Variants in FAM221A observed in about 807,000 individuals in gnomAD.
The protein encoded by FAM221A is family with sequence similarity 221 member A.
Under a neutral mutation model 37.6 loss-of-function variants are expected in FAM221A, and 43 were observed. The observed-to-expected ratio is 1.15, with a 90% CI of 0.90 to 1.48. FAM221A has a LOEUF of 1.48. Among genes scored for constraint, FAM221A ranks in the 40% most tolerant of loss-of-function variants. FAM221A has a pLI of 0.00. For synonymous variants in FAM221A, 135 were observed against 132.9 expected, an observed-to-expected ratio of 1.02 and a Z score of -0.11; for missense variants, 361 against 361.5, an observed-to-expected ratio of 1.00 and a Z score of 0.01.
rs1157432538 is a variant in FAM221A, at chr7:23,689,260, C to CT, written c.240-3dup. On this transcript the variant is annotated splice_polypyrimidine_tract_variant and intron_variant, in intron 2 of 6. Coordinates refer to ENST00000344962, the MANE Select transcript of FAM221A (RefSeq NM_199136.5). ...GTGTTTATATTTCTCTCTCTTTCTC[C>CT]TTTTTTAGGTATAAACAACATAAAA... The CT allele has an allele frequency of 1.3e-6, 2 of 1,491,770 alleles. No individual in the cohort carries two copies. Among genetic ancestry groups the CT allele is most frequent in the Non-Finnish European group, 1.8e-6 (2 of 1,098,682 alleles). The allele number at this position is 1,491,770 out of a possible 1,614,324, so 92.4% of individuals were successfully genotyped here.
chr7:23,702,113 T>A lies in FAM221A; in HGVS notation c.846T>A (p.Ala282=). ...RYQERMKMEK[A]AKWKGKAPLP... ...ATTTACAGATGAAAATGGAAAAGGC[T>A]GCTAAGTGGAAAGGAAAAGCTCCAT... The change falls in exon 7 of 7, where the codon GCT becomes GCA. Residue 282 remains alanine (A), a synonymous_variant. Transcript: ENST00000344962. 1.2e-6 allele frequency: 2 copies of A among 1,600,836 alleles called. No individual in the cohort carries two copies. The highest frequency in any genetic ancestry group is 1.3e-5 in the African/African-American group (1 of 74,630).
At chr7:23,700,011 T>C (rs1785316430) in intron 5 of FAM221A, among the ~76,000 whole-genome samples, 1 of 152,204 alleles carries the variant, frequency 6.6e-6, no homozygotes, top group Admixed American at 6.5e-5. Flanking sequence ...ATAACACTTA[T>C]TCAAATAAGA....
rs1029174824 is a variant in FAM221A, at chr7:23,680,237, C to A, written c.19C>A (p.Pro7Thr). 1.9e-6 allele frequency: 3 copies of A among 1,549,512 alleles called. No individual in the cohort carries two copies. The highest frequency in any genetic ancestry group is 1.7e-6 in the Non-Finnish European group (2 of 1,146,110). MERLTLPLGGAAAVDEY... is the reference protein window; with the variant it reads MERLTLTLGGAAAVDEY... ...ACCGGCAATGGAGCGGTTGACGTTG[C>A]CTCTCGGCGGCGCGGCGGCGGTGGA... The change falls in exon 1 of 7, where the codon CCT becomes ACT. Residue 7 changes from proline to threonine, a missense_variant. Pro to Thr is a conservative substitution (Grantham distance 38, BLOSUM62 -1). Transcript: ENST00000344962.
chr7:23,680,292 G>A lies in FAM221A; in HGVS notation c.65+9G>A, dbSNP rs1471378369. On this transcript the variant is annotated intron_variant, in intron 1 of 6. Transcript: ENST00000344962. ...TACCTGGAGTACCGGAGGTGAGGCT[G>A]TGGCTCCGGGCCTGCCCCCCCGCCG... is the stretch of plus-strand genomic sequence containing the variant. The A allele has an allele frequency of 4.5e-6, 7 of 1,539,926 alleles. No homozygotes were observed. The highest frequency in any genetic ancestry group is 2.0e-5 in the Admixed American group (1 of 50,458).
At chr7:23,685,125 T>G (rs1241155564) in intron 2 of FAM221A, among the ~76,000 whole-genome samples, 1 of 152,162 alleles carries the variant, frequency 6.6e-6, no homozygotes, top group African/African-American at 2.4e-5. Flanking sequence ...GGCACACGCC[T>G]GTAATCCTAG....
Position 23,684,680 on chromosome 7 carries a change from AC to A in FAM221A, c.239+9del, listed in dbSNP as rs1179653636. On this transcript the variant is annotated intron_variant, in intron 2 of 6. Coordinates refer to ENST00000344962, the MANE Select transcript of FAM221A (RefSeq NM_199136.5). ...GTGTTTTTGTACACATAGGTAAGAT[AC>A]TTTATTGCAAAGTTTTTTGATAATT... 1.9e-6 allele frequency: 3 copies of A among 1,575,030 alleles called. No individual in the cohort carries two copies. Among genetic ancestry groups the A allele is most frequent in the Non-Finnish European group, 2.6e-6 (3 of 1,164,342 alleles).
chr7:23,686,289 G>T (rs34561959), intron 2 of FAM221A: 2 of 429,796 alleles, frequency 4.7e-6, no homozygotes, highest in Admixed American at 2.6e-5. Context: ...TTTGAGACAG[G>T]GTCTTACTCT....
chr7:23,689,560 GTATTAGTTGTAGAGTTAATATTCAGTTA>G, intron 3 of FAM221A, 101 bp downstream of exon 3: 1 of 819,610 alleles, frequency 1.2e-6, no homozygotes, highest in African/African-American at 1.7e-5. Flanking sequence ...ATATTCAGTT[GTATTAGTTGTAGAGTTAATATTCAGTTA>G]TGGCGTTAAT....
chr7:23,690,199 A>ATATATATATATATATATATATATT (rs774313037), intron 3 of FAM221A, among the ~76,000 whole-genome samples: 1 of 48,740 alleles, frequency 2.1e-5, no homozygotes, highest in Non-Finnish European at 3.6e-5. Flanking sequence ...ATATATATAT[A>ATATATATATATATATATATATATT]TTTTTTTTTT....
chr7:23,690,113 T>C (rs1784624824), intron 3 of FAM221A, among the ~76,000 whole-genome samples: 1 of 148,872 alleles, frequency 6.7e-6, no homozygotes, highest in Non-Finnish European at 1.5e-5. Context: ...AATAAATCTT[T>C]CATTGGCTGA....
At chr7:23,684,404 C>G in intron 1 of FAM221A, 95 bp from the exon 2 acceptor site, 1 of 693,186 alleles carries the variant, frequency 1.4e-6, no homozygotes. Flanking sequence ...AAAATAAAAG[C>G]TTACAAATTT....
intron 4 of FAM221A, chr7:23,693,220 A>G (rs1385792592): frequency 6.6e-6 from 1 of 152,196 alleles, no homozygotes; most frequent in East Asian, 1.9e-4. Context: ...ATTCTAATAC[A>G]TTCTGCCAGA....
intron 6 of FAM221A, 130 bp downstream of exon 6, chr7:23,700,998 C>A: frequency 1.6e-6 from 1 of 625,276 alleles, no homozygotes; most frequent in Non-Finnish European, 2.8e-6. Flanking sequence ...TGGTGTTAGG[C>A]CTTGAGGCTT....
intron 1 of FAM221A, among the ~76,000 whole-genome samples, chr7:23,683,784 C>G (rs754143887): frequency 6.6e-6 from 1 of 152,084 alleles, no homozygotes; most frequent in Non-Finnish European, 1.5e-5. Context: ...GCTGCCTATT[C>G]TCGTGGCCCA....
At chr7:23,696,643 C>T (rs1785077608) in intron 4 of FAM221A, among the ~76,000 whole-genome samples, 1 of 152,166 alleles carries the variant, frequency 6.6e-6, no homozygotes, top group African/African-American at 2.4e-5. Flanking sequence ...ATATGCAGTC[C>T]ATTGTTGACC....
Position 23,702,201 on chromosome 7 carries a change from CTT to C in FAM221A, c.*41_*42del. 7.6e-7 allele frequency: 1 copy of C among 1,324,150 alleles called. No individual in the cohort carries two copies. Among genetic ancestry groups the C allele is most frequent in the South Asian group, 1.4e-5 (1 of 69,238 alleles). 82.0% of individuals were successfully genotyped at this position (1,324,150 alleles called of 1,614,324 possible). A position where few individuals can be genotyped will look rare whatever the true frequency, so the allele number is the denominator to read the frequency against. On this transcript the variant is annotated 3_prime_UTR_variant, in exon 7 of 7. Transcript: ENST00000344962. ...GAAATTAAAACCATCATCCAAGTATCTTTTTCATGTTTATTTAAATGTAATAA... is the reference window on the plus strand; with the variant it reads ...GAAATTAAAACCATCATCCAAGTATCTTTCATGTTTATTTAAATGTAATAA...
At position 23,700,214 on chromosome 7, in the gene FAM221A, C is replaced by T. The variant is rs896353890; in HGVS notation, c.746-572C>T. 3.9e-5 allele frequency among the ~76,000 whole-genome samples: 6 copies of T among 152,154 alleles called. No homozygotes were observed. In the East Asian group the frequency reaches 5.8e-4, roughly 15 times the overall value. On this transcript the variant is annotated intron_variant, in intron 5 of 6. Transcript: ENST00000344962. ...AAGGGACCCAGTGAAGACCTTCACT[C>T]GCAATGAAGGTGTACTTTTCTATGC...
chr7:23,682,432 TA>T lies in FAM221A; in HGVS notation c.66-2066del, dbSNP rs1248223609. ...ATATATTTATTATTATTATTATTAT[TA>T]TTATTATTTTTTTTTTTAGATAGAG... On this transcript the variant is annotated intron_variant, in intron 1 of 6. Transcript: ENST00000344962. 1.8e-3 allele frequency among the ~76,000 whole-genome samples: 131 copies of T among 72,106 alleles called. 1 individual carries two copies. The highest frequency in any genetic ancestry group is 3.4e-3 in the Admixed American group (22 of 6,500). The allele number at this position is 72,106 out of a possible 152,430, so 47.3% of individuals were successfully genotyped here.
At chr7:23,683,358 T>C (rs1446394699) in intron 1 of FAM221A, among the ~76,000 whole-genome samples, 2 of 152,174 alleles carry the variant, frequency 1.3e-5, no homozygotes, top group Non-Finnish European at 2.9e-5. Context: ...ACAGATGTGG[T>C]TGGAGCTTGT....
Sources: gnomAD v4.1 joint callset for allele counts (sites outside exome capture counted in the v4.1 genomes callset) on GRCh38, gnomAD v4.1.1 for gene constraint, MANE v1.5 for transcripts, NCBI Gene and HGNC (gene_info 2026-07-23, HGNC 2026-07-21) for gene names.